SLC9A1: variants seen among roughly 807,000 people sequenced by gnomAD.
The protein encoded by SLC9A1 is solute carrier family 9 member A1.
A neutral mutation model predicts 67.9 loss-of-function variants in SLC9A1; 22 were observed. That is an observed-to-expected ratio of 0.32 (90% confidence interval 0.23 to 0.46). The LOEUF is 0.46. Ranked by LOEUF, SLC9A1 falls within the 20% of genes least tolerant of loss-of-function variation. The probability of loss-of-function intolerance (pLI) is 1.00; values close to 1 mark genes in which losing one functional copy is unlikely to be tolerated. For missense variants in SLC9A1, 686 were observed against 1,094.8 expected (o/e 0.63, Z 5.27); for synonymous variants, 421 against 471.8 (o/e 0.89, Z 1.40).
intron 1 of SLC9A1, among the ~76,000 whole-genome samples, chr1:27,128,009 C>T (rs1344286630): frequency 6.6e-6 from 1 of 152,236 alleles, no homozygotes; most frequent in Non-Finnish European, 1.5e-5. Context: ...CTCTCTACCT[C>T]TGACATCTGA....
Position 27,102,681 on chromosome 1 carries a change from C to T in SLC9A1, c.1638G>A (p.Trp546Ter), listed in dbSNP as rs1399016799. 2 of 1,613,738 alleles carry T rather than the reference C, an allele frequency of 1.2e-6. No individual in the cohort carries two copies. Among genetic ancestry groups the T allele is most frequent in the African/African-American group, 1.3e-5 (1 of 74,912 alleles). ...DICGHYGHHH[W>*]KDKLNRFNKK... Reference sequence around the variant, plus strand: ...CCAGGCCTGCCACCTACTTGTCCTTCCAGTGGTGGTGACCGTAGTGGCCAC... The same window carrying T: ...CCAGGCCTGCCACCTACTTGTCCTTTCAGTGGTGGTGACCGTAGTGGCCAC... The change falls in exon 7 of 12, where the codon TGG (tryptophan) becomes TGA (stop). Residue 546 changes from tryptophan (W) to a stop codon, truncating the protein, a stop_gained. Transcript: ENST00000263980. LOFTEE classifies it high-confidence loss of function.
rs1162370992 is a variant in SLC9A1 at position 27,106,484 on chromosome 1, A to C, written c.1283-397T>G. On this transcript the variant is annotated intron_variant, in intron 4 of 11. Coordinates refer to ENST00000263980, the MANE Select transcript of SLC9A1 (RefSeq NM_003047.5). This position sits in a 1 kb window ranked among gnomAD's most constrained non-coding sequence, Gnocchi z 4.3. Reference sequence around the variant, plus strand: ...AATTTTCCATAATAAAGCATAAAAAATGCAGAGGGCTGGGCCCAACCTCCA... The same window carrying C: ...AATTTTCCATAATAAAGCATAAAAACTGCAGAGGGCTGGGCCCAACCTCCA... Among the ~76,000 whole-genome samples, 1 of 152,150 alleles carries C rather than the reference A, an allele frequency of 6.6e-6. No individual in the cohort carries two copies. Among genetic ancestry groups the C allele is most frequent in the Non-Finnish European group, 1.5e-5 (1 of 68,022 alleles).
At chr1:27,102,357 G>A (rs773171138) in intron 8 of SLC9A1, 28 bp downstream of exon 8, 12 of 1,564,992 alleles carry the variant, frequency 7.7e-6, no homozygotes, top group African/African-American at 1.4e-5. Flanking sequence ...TGTGGGAGCA[G>A]AAGCTGCCTG....
chr1:27,148,437 G>C (rs2083503989), intron 1 of SLC9A1, among the ~76,000 whole-genome samples: 2 of 152,026 alleles, frequency 1.3e-5, no homozygotes, highest in Admixed American at 6.6e-5. Flanking sequence ...ATGTGGATGT[G>C]TCTGGTCATT....
Position 27,154,378 on chromosome 1 carries a change from T to TA in SLC9A1, c.-45dup. On this transcript the variant is annotated 5_prime_UTR_variant, in exon 1 of 12. The change abolishes the stop of an existing upstream ORF in the 5' untranslated region. Transcript: ENST00000263980. Reference sequence around the variant, plus strand: ...AGCCTCGACCTTACCCAAATGAGAGTAAAACCGGGCACATAGGTAGCAAAG... The same window carrying TA: ...AGCCTCGACCTTACCCAAATGAGAGTAAAAACCGGGCACATAGGTAGCAAAG... The TA allele has an allele frequency of 7.5e-7, 1 of 1,340,784 alleles. No homozygotes were observed. The highest frequency in any genetic ancestry group is 1.5e-5 in the African/African-American group (1 of 68,422). 83.1% of individuals were successfully genotyped at this position (1,340,784 alleles called of 1,614,324 possible).
chr1:27,102,841 C>T, intron 6 of SLC9A1, 98 bp from the exon 7 acceptor site: 1 of 1,086,850 alleles, frequency 9.2e-7, no homozygotes, highest in East Asian at 2.5e-5. Context: ...TGCAGCCCTG[C>T]TGGGTCCAGC....
intron 1 of SLC9A1, among the ~76,000 whole-genome samples, chr1:27,130,817 C>T (rs1057499819): frequency 6.6e-6 from 1 of 152,328 alleles, no homozygotes; most frequent in Non-Finnish European, 1.5e-5. Context: ...GCCCTCAAGC[C>T]GGGCCTGGTT....
intron 3 of SLC9A1, among the ~76,000 whole-genome samples, chr1:27,108,191 G>A (rs1220237363): frequency 6.7e-6 from 1 of 148,962 alleles, no homozygotes; most frequent in Non-Finnish European, 1.5e-5. Flanking sequence ...TCAGCCTCCC[G>A]AGTGGCTGGG....
At chr1:27,120,113 G>C (rs780746603) in intron 1 of SLC9A1, among the ~76,000 whole-genome samples, 2 of 151,760 alleles carry the variant, frequency 1.3e-5, no homozygotes, top group Non-Finnish European at 2.9e-5. Flanking sequence ...CTGTGGGGAT[G>C]GGAGGTTTTT....
chr1:27,101,503 C>T lies in SLC9A1; in HGVS notation c.2037+222G>A, dbSNP rs2083144430. On this transcript the variant is annotated intron_variant, in intron 10 of 11. Transcript: ENST00000263980. The surrounding 1 kb of genome is among the most constrained non-coding windows in gnomAD (Gnocchi z 4.9). ...CACCTACACTGCTCAGCCTTAAATC[C>T]ACCCATTCCTCTGTCCCCTGCCACT... Among the ~76,000 whole-genome samples, 1 of 152,178 alleles carries T rather than the reference C, an allele frequency of 6.6e-6. No individual in the cohort carries two copies. Among genetic ancestry groups the T allele is most frequent in the South Asian group, 2.1e-4 (1 of 4,826 alleles).
At chr1:27,153,469 A>G (rs2083544232) in intron 1 of SLC9A1, among the ~76,000 whole-genome samples, 1 of 152,196 alleles carries the variant, frequency 6.6e-6, no homozygotes, top group Admixed American at 6.5e-5. Flanking sequence ...GTTCCACCAC[A>G]CTTGTAAGTT....
chr1:27,149,771 C>T (rs548840620), intron 1 of SLC9A1, among the ~76,000 whole-genome samples: 34 of 152,312 alleles, frequency 2.2e-4, no homozygotes, highest in African/African-American at 7.9e-4. Context: ...TACTGAGAGG[C>T]AGCATCAGGA....
chr1:27,105,464 A>G, intron 5 of SLC9A1: 2 of 473,660 alleles, frequency 4.2e-6, no homozygotes, highest in Non-Finnish European at 7.7e-6. Context: ...CATGCCCACT[A>G]ATTTTGTATT....
At chr1:27,141,155 T>C (rs191101738) in intron 1 of SLC9A1, among the ~76,000 whole-genome samples, 66 of 152,250 alleles carry the variant, frequency 4.3e-4, no homozygotes, top group African/African-American at 1.6e-3. Context: ...TGAGCCAAGA[T>C]TGTGCCACTG....
chr1:27,140,151 C>T (rs2083445362), intron 1 of SLC9A1, among the ~76,000 whole-genome samples: 1 of 151,946 alleles, frequency 6.6e-6, no homozygotes, highest in Admixed American at 6.6e-5. Context: ...CCTTTCCTGA[C>T]CCACCCACCT....
intron 2 of SLC9A1, among the ~76,000 whole-genome samples, chr1:27,113,322 T>C (rs1368207446): frequency 6.6e-6 from 1 of 152,040 alleles, no homozygotes; most frequent in Non-Finnish European, 1.5e-5. Flanking sequence ...TAGCCGGGTG[T>C]GGTGGTGCAT....
At chr1:27,135,188 CA>C (rs1208386323) in intron 1 of SLC9A1, among the ~76,000 whole-genome samples, 2 of 150,206 alleles carry the variant, frequency 1.3e-5, no homozygotes, top group Admixed American at 6.6e-5. Flanking sequence ...TAGCTGGGAC[CA>C]CAGGCCTGTG....
intron 1 of SLC9A1, among the ~76,000 whole-genome samples, chr1:27,119,897 C>T (rs756708623): frequency 2.6e-5 from 4 of 152,146 alleles, no homozygotes; most frequent in African/African-American, 9.7e-5. Flanking sequence ...CAGGAAGTCT[C>T]CCACTGCTTC....
At chr1:27,123,124 T>C (rs1301180336) in intron 1 of SLC9A1, among the ~76,000 whole-genome samples, 4 of 152,236 alleles carry the variant, frequency 2.6e-5, no homozygotes, top group Non-Finnish European at 4.4e-5. Flanking sequence ...CACTGGTTTC[T>C]TTTGATTTTC....
Sources: gnomAD v4.1 joint callset for allele counts (sites outside exome capture counted in the v4.1 genomes callset) on GRCh38, gnomAD v4.1.1 for gene constraint, Gnocchi (gnomAD v3.1) non-coding constraint, MANE v1.5 for transcripts, NCBI Gene and HGNC (gene_info 2026-07-23, HGNC 2026-07-21) for gene names.